Variants in DLG2 observed in about 807,000 individuals in gnomAD.
DLG2 encodes discs large MAGUK scaffold protein 2.
DLG2 carries 45 observed loss-of-function variants against 132.5 expected under a neutral mutation model. That is an observed-to-expected ratio of 0.34 (90% confidence interval 0.27 to 0.44). DLG2 has a LOEUF of 0.44. Among genes scored for constraint, DLG2 ranks in the 20% least tolerant of loss-of-function variants. The pLI, the probability that DLG2 is intolerant of heterozygous loss-of-function variation, is 1.00. For missense variants in DLG2, 1,045 were observed against 1,196.9 expected, an observed-to-expected ratio of 0.87 and a Z score of 1.87; for synonymous variants, 424 against 419.6, an observed-to-expected ratio of 1.01 and a Z score of -0.13.
chr11:85,433,335 A>G (rs1188463802), intron 3 of DLG2, among the ~76,000 whole-genome samples: 1 of 152,222 alleles, frequency 6.6e-6, no homozygotes, highest in African/African-American at 2.4e-5. Context: ...TTATATGTAG[A>G]TGGGCTAAAT....
At chr11:83,893,551 C>A (rs2070657225) in intron 15 of DLG2, among the ~76,000 whole-genome samples, 2 of 152,206 alleles carry the variant, frequency 1.3e-5, no homozygotes, top group African/African-American at 4.8e-5. Flanking sequence ...GATGCCTTCC[C>A]TGGTCTTCTA....
At chr11:85,175,280 T>C (rs553883886) in intron 4 of DLG2, among the ~76,000 whole-genome samples, 2 of 152,254 alleles carry the variant, frequency 1.3e-5, no homozygotes, top group Non-Finnish European at 2.9e-5. Context: ...GACCCGACAG[T>C]TGGCTTCATC....
intron 6 of DLG2, among the ~76,000 whole-genome samples, chr11:85,094,787 T>C (rs2154177716): frequency 1.3e-5 from 2 of 152,370 alleles, no homozygotes; most frequent in East Asian, 1.9e-4. Flanking sequence ...AGTAGCACTA[T>C]TAATTTCCTT....
At chr11:83,579,841 G>A (rs1333525282) in intron 19 of DLG2, among the ~76,000 whole-genome samples, 8 of 151,806 alleles carry the variant, frequency 5.3e-5, no homozygotes, top group South Asian at 2.1e-4. Flanking sequence ...ATGGTGGCAT[G>A]TGCCTATGGT....
intron 18 of DLG2, among the ~76,000 whole-genome samples, chr11:83,742,306 T>C (rs2092584489): frequency 6.6e-6 from 1 of 151,556 alleles, no homozygotes; most frequent in South Asian, 2.1e-4. Flanking sequence ...ATCATAACTA[T>C]GTATATGAAA....
At chr11:84,660,605 G>T (rs1332615454) in intron 6 of DLG2, among the ~76,000 whole-genome samples, 1 of 152,112 alleles carries the variant, frequency 6.6e-6, no homozygotes, top group East Asian at 1.9e-4. Context: ...CAGGCCTAAA[G>T]AAAATAACCC....
intron 7 of DLG2, among the ~76,000 whole-genome samples, chr11:84,252,855 G>A (rs1240252774): frequency 1.3e-5 from 2 of 152,120 alleles, no homozygotes; most frequent in Admixed American, 6.5e-5. Context: ...ACGACATGGT[G>A]GTTTTGGAAA....
Position 84,296,458 on chromosome 11 carries a change from T to C in DLG2, c.520-45167A>G, listed in dbSNP as rs80022366. Among the ~76,000 whole-genome samples, 1,332 of 152,180 alleles carry C rather than the reference T, an allele frequency of 8.8e-3. 16 individuals carry two copies. The highest frequency in any genetic ancestry group is 0.029 in the African/African-American group (1,196 of 41,508). On this transcript the variant is annotated intron_variant, in intron 7 of 27. Coordinates refer to ENST00000376104, the MANE Select transcript of DLG2 (RefSeq NM_001142699.3). ...CTTATGATTTTTTTCTCTCTTTGAG[T>C]TGGGGTCTTGCCTGTAACCTAAGCT...
chr11:84,468,474 T>C (rs143502654), intron 7 of DLG2, among the ~76,000 whole-genome samples: 138 of 151,624 alleles, frequency 9.1e-4, no homozygotes, highest in African/African-American at 3.2e-3. Context: ...CCCACATGTA[T>C]ACCCATGCTG....
At chr11:83,722,579 G>A (rs1252424554) in intron 18 of DLG2, among the ~76,000 whole-genome samples, 1 of 152,128 alleles carries the variant, frequency 6.6e-6, no homozygotes, top group Non-Finnish European at 1.5e-5. Context: ...GTGACTCCAG[G>A]CTGGTTTTTA....
intron 4 of DLG2, among the ~76,000 whole-genome samples, chr11:85,251,849 CTT>C (rs1362347844): frequency 1.3e-5 from 2 of 152,010 alleles, no homozygotes; most frequent in Non-Finnish European, 2.9e-5. Context: ...AAATGTGTAA[CTT>C]ATTAAATTTA....
At chr11:84,502,238 C>CT (rs2099213717) in intron 7 of DLG2, among the ~76,000 whole-genome samples, 1 of 32,076 alleles carries the variant, frequency 3.1e-5, no homozygotes. Context: ...TTCCTTCCTT[C>CT]CTTCCTTCCT....
chr11:85,301,921 C>T (rs1448311147), intron 3 of DLG2, among the ~76,000 whole-genome samples: 1 of 152,156 alleles, frequency 6.6e-6, no homozygotes, highest in Non-Finnish European at 1.5e-5. Context: ...AAAATTGATT[C>T]ATTTAGAAAA....
Position 85,021,425 on chromosome 11 carries a change from C to G in DLG2, c.357+90236G>C, listed in dbSNP as rs2060053867. ...GCCAGGTTAATATCTAAAACCTGGT[C>G]AGCAATCATTCTGCCATCCTCTCCT... On this transcript the variant is annotated intron_variant, in intron 6 of 27. Transcript: ENST00000376104. 7 of 1,396,498 alleles carry G rather than the reference C, an allele frequency of 5.0e-6. No homozygotes were observed. In the South Asian group the frequency reaches 8.1e-5, roughly 16 times the overall value. The allele number at this position is 1,396,498 out of a possible 1,614,324, so 86.5% of individuals were successfully genotyped here.
At chr11:84,010,101 T>A (rs2094798967) in intron 11 of DLG2, among the ~76,000 whole-genome samples, 1 of 151,856 alleles carries the variant, frequency 6.6e-6, no homozygotes, top group Non-Finnish European at 1.5e-5. Context: ...TTAAAATATA[T>A]CTCAAGAAAA....
chr11:84,401,945 T>C (rs918889470), intron 7 of DLG2, among the ~76,000 whole-genome samples: 1 of 152,226 alleles, frequency 6.6e-6, no homozygotes, highest in Non-Finnish European at 1.5e-5. Flanking sequence ...CCATAAAGTA[T>C]AGAAACTGAT....
intron 3 of DLG2, among the ~76,000 whole-genome samples, chr11:85,519,609 C>G (rs1027217007): frequency 1.3e-5 from 2 of 152,116 alleles, no homozygotes; most frequent in African/African-American, 4.8e-5. Context: ...TGTGGACTTC[C>G]GTTAATGCTG....
At chr11:85,537,365 G>A (rs746563169) in intron 3 of DLG2, among the ~76,000 whole-genome samples, 11 of 152,154 alleles carry the variant, frequency 7.2e-5, no homozygotes, top group Admixed American at 1.3e-4. Flanking sequence ...TTCACTCTTC[G>A]CAATAAATCT....
intron 16 of DLG2, among the ~76,000 whole-genome samples, chr11:83,861,634 A>G (rs919319820): frequency 2.6e-5 from 4 of 152,130 alleles, no homozygotes; most frequent in African/African-American, 9.7e-5. Context: ...GATAAACGTC[A>G]TATTTTCTCA....
Sources: allele counts gnomAD v4.1 joint callset (sites outside exome capture counted in the v4.1 genomes callset), GRCh38; gene constraint gnomAD v4.1.1; transcripts MANE v1.5; gene names NCBI Gene and HGNC (gene_info 2026-07-23, HGNC 2026-07-21).